Variants in SAMD12 observed in about 807,000 individuals in gnomAD.
The protein encoded by SAMD12 is sterile alpha motif domain containing 12, also known as sterile alpha motif domain-containing protein 12.
In SAMD12, 9 loss-of-function variants were observed where a neutral mutation model predicts 15.0. The ratio of observed to expected loss-of-function variants is 0.60; its 90% CI spans 0.36 to 1.05. The LOEUF is 1.05. SAMD12 is among the 50% of genes least tolerant of loss of function. The probability of loss-of-function intolerance (pLI) is 0.01; values close to 1 mark genes in which losing one functional copy is unlikely to be tolerated. For missense variants in SAMD12, 230 were observed against 234.2 expected, an observed-to-expected ratio of 0.98 and a Z score of 0.12; for synonymous variants, 86 against 90.1, an observed-to-expected ratio of 0.96 and a Z score of 0.25.
intron 2 of SAMD12, among the ~76,000 whole-genome samples, chr8:118,456,142 A>G (rs1356224878): frequency 6.6e-6 from 1 of 152,150 alleles, no homozygotes; most frequent in East Asian, 1.9e-4. Context: ...CTTCTTTGTC[A>G]TGGTCTTGAT....
intron 4 of SAMD12, among the ~76,000 whole-genome samples, chr8:118,333,724 C>A (rs542337717): frequency 6.6e-6 from 1 of 152,238 alleles, no homozygotes; most frequent in East Asian, 1.9e-4. Context: ...TCTCCTCTAG[C>A]CTCCTCTTTG....
intron 2 of SAMD12, among the ~76,000 whole-genome samples, chr8:118,505,747 G>A (rs1030062716): frequency 6.6e-6 from 1 of 151,780 alleles, no homozygotes; most frequent in Non-Finnish European, 1.5e-5. Flanking sequence ...AACTATACCC[G>A]ATGTAATTCT....
chr8:118,415,402 G>C (rs1821632255), intron 3 of SAMD12, among the ~76,000 whole-genome samples: 1 of 151,406 alleles, frequency 6.6e-6, no homozygotes, highest in Admixed American at 6.6e-5. Context: ...CAACCAACTG[G>C]AGAAAATGCC....
chr8:118,181,089 G>A, the SAMD12 span, among the ~76,000 whole-genome samples: 127 of 151,912 alleles, frequency 8.4e-4, no homozygotes, highest in Middle Eastern at 6.8e-3. Flanking sequence ...GTCTTGCTAT[G>A]TTGCCCAGGC....
intron 2 of SAMD12, among the ~76,000 whole-genome samples, chr8:118,546,821 G>A (rs1826140493): frequency 6.6e-6 from 1 of 152,152 alleles, no homozygotes; most frequent in Admixed American, 6.5e-5. Flanking sequence ...TGGGAACTGA[G>A]CCCAGCAAAC....
chr8:118,613,559 T>A (rs1173712224), intron 1 of SAMD12, among the ~76,000 whole-genome samples: 1 of 152,228 alleles, frequency 6.6e-6, no homozygotes, highest in African/African-American at 2.4e-5. Flanking sequence ...TTAGAGCATC[T>A]CTTTTCACTA....
chr8:118,197,815 A>G, intron 4 of SAMD12: 2 of 1,128,484 alleles, frequency 1.8e-6, no homozygotes, highest in Non-Finnish European at 2.7e-6. Context: ...ATCTTATTCA[A>G]ACAAACCCTA....
intron 4 of SAMD12, among the ~76,000 whole-genome samples, chr8:118,350,596 A>G (rs1468238941): frequency 6.6e-6 from 1 of 152,188 alleles, no homozygotes; most frequent in Non-Finnish European, 1.5e-5. Context: ...ATTATTACTA[A>G]TACTCATTTA....
At chr8:118,580,592 C>T (rs1322210951) in intron 2 of SAMD12, 123 bp downstream of exon 2, 1 of 676,030 alleles carries the variant, frequency 1.5e-6, no homozygotes, top group African/African-American at 1.8e-5. Context: ...AGATACAGTG[C>T]TCATTTGACC....
chr8:118,267,617 T>G (rs958160953), intron 4 of SAMD12, among the ~76,000 whole-genome samples: 6 of 152,166 alleles, frequency 3.9e-5, no homozygotes, highest in Admixed American at 3.3e-4. Context: ...GATTTGGCTT[T>G]TTAGCACATA....
chr8:118,489,177 C>T (rs1824367925), intron 2 of SAMD12, among the ~76,000 whole-genome samples: 1 of 152,054 alleles, frequency 6.6e-6, no homozygotes, highest in African/African-American at 2.4e-5. Flanking sequence ...TTTGACTATT[C>T]TTAATTGGGG....
intron 2 of SAMD12, among the ~76,000 whole-genome samples, chr8:118,506,423 C>T (rs1158939537): frequency 2.6e-5 from 4 of 152,074 alleles, no homozygotes; most frequent in Non-Finnish European, 2.9e-5. Flanking sequence ...TTGAAGGAGC[C>T]CATTCCCTTC....
rs72675885 is a variant in SAMD12 at position 118,334,120 on chromosome 8, T to C, written c.433+45440A>G. Among the ~76,000 whole-genome samples the C allele has an allele frequency of 9.3e-3, 1,411 of 152,282 alleles. 8 individuals are homozygous for C. Among genetic ancestry groups the C allele is most frequent in the Admixed American group, 0.014 (208 of 15,294 alleles). On this transcript the variant is annotated intron_variant, in intron 4 of 4. Coordinates refer to the SAMD12 transcript ENST00000409003. ...AGTTAGAAATATAAACAAAGTACTA[T>C]GGAAGAAGCTATTAATACTTATGTC... is the stretch of plus-strand genomic sequence containing the variant.
rs1220199485 is a variant in SAMD12 at position 118,440,691 on chromosome 8, CACACAA to C, written c.193-736_193-731del. 8.8e-4 allele frequency among the ~76,000 whole-genome samples: 105 copies of C among 119,438 alleles called. 1 individual carries two copies. Among genetic ancestry groups the C allele is most frequent in the African/African-American group, 1.9e-3 (60 of 32,126 alleles). The allele number at this position is 119,438 out of a possible 152,430, so 78.4% of individuals were successfully genotyped here. ...ACACACACACACACACACACACACA[CACACAA>C]ACACACACACACACACACATATAAA... On this transcript the variant is annotated intron_variant, in intron 2 of 3. Transcript: ENST00000314727.
At chr8:118,507,872 C>T (rs1824963932) in intron 2 of SAMD12, among the ~76,000 whole-genome samples, 1 of 152,066 alleles carries the variant, frequency 6.6e-6, no homozygotes, top group African/African-American at 2.4e-5. Context: ...ACACAGGGCT[C>T]CTGGAACCAA....
At chr8:118,304,384 A>G (rs1815199564) in intron 4 of SAMD12, among the ~76,000 whole-genome samples, 1 of 152,208 alleles carries the variant, frequency 6.6e-6, no homozygotes, top group African/African-American at 2.4e-5. Context: ...TCCATTAGTC[A>G]GCTTCTATTA....
chr8:118,561,084 G>C (rs1221125766), intron 2 of SAMD12, among the ~76,000 whole-genome samples: 3 of 151,838 alleles, frequency 2.0e-5, no homozygotes, highest in Non-Finnish European at 4.4e-5. Flanking sequence ...AATTTTGTAG[G>C]AAAATTTCCC....
At chr8:118,400,003 G>C (rs1462723905) in intron 3 of SAMD12, among the ~76,000 whole-genome samples, 2 of 152,156 alleles carry the variant, frequency 1.3e-5, no homozygotes, top group African/African-American at 4.8e-5. Context: ...TAAAAATTCT[G>C]TGTGTATCAT....
chr8:118,555,977 C>T (rs1563582228), intron 2 of SAMD12, among the ~76,000 whole-genome samples: 1 of 152,126 alleles, frequency 6.6e-6, no homozygotes, highest in African/African-American at 2.4e-5. Context: ...AGTGACTATC[C>T]TTATCGTTAG....
Sources: allele counts gnomAD v4.1 joint callset (sites outside exome capture counted in the v4.1 genomes callset), GRCh38; gene constraint gnomAD v4.1.1; transcripts MANE v1.5; gene names NCBI Gene and HGNC (gene_info 2026-07-23, HGNC 2026-07-21).